Variants in FBXO32 observed in about 807,000 individuals in gnomAD.
FBXO32 encodes F-box protein 32, also known as F-box only protein 32.
Under a neutral mutation model 48.3 loss-of-function variants are expected in FBXO32, and 15 were observed. That is an observed-to-expected ratio of 0.31 (90% CI 0.21 to 0.48). The LOEUF is 0.48. Among genes scored for constraint, FBXO32 ranks in the 20% least tolerant of loss-of-function variants. The pLI is 0.99. For missense variants in FBXO32, 309 were observed against 432.7 expected, an observed-to-expected ratio of 0.71 and a Z score of 2.54; for synonymous variants, 154 against 165.9, an observed-to-expected ratio of 0.93 and a Z score of 0.55.
chr8:123,512,365 T>G (rs1423893714), intron 6 of FBXO32, among the ~76,000 whole-genome samples: 1 of 152,208 alleles, frequency 6.6e-6, no homozygotes, highest in Non-Finnish European at 1.5e-5. Context: ...TCCTGCTACC[T>G]TCTCCTGATA....
chr8:123,512,664 C>T (rs762083089), intron 6 of FBXO32, among the ~76,000 whole-genome samples: 3 of 151,770 alleles, frequency 2.0e-5, no homozygotes, highest in Non-Finnish European at 2.9e-5. Context: ...TGGTAATATA[C>T]GGCTTTTCCT....
At chr8:123,509,185 T>G (rs1816689211) in intron 6 of FBXO32, among the ~76,000 whole-genome samples, 2 of 152,336 alleles carry the variant, frequency 1.3e-5, no homozygotes, top group South Asian at 4.1e-4. Flanking sequence ...TATAAAAATT[T>G]TGCAGGAAAA....
intron 6 of FBXO32, among the ~76,000 whole-genome samples, chr8:123,509,636 G>T (rs886611196): frequency 6.6e-6 from 1 of 152,158 alleles, no homozygotes. Flanking sequence ...GGAGGCCAAG[G>T]CTGCAGTGAC....
At chr8:123,527,474 G>A (rs1465337801) in intron 4 of FBXO32, among the ~76,000 whole-genome samples, 1 of 152,170 alleles carries the variant, frequency 6.6e-6, no homozygotes, top group African/African-American at 2.4e-5. Context: ...GGGGAACGGG[G>A]CAGTTGTTTG....
At chr8:123,516,508 CA>C (rs1234657570) in intron 4 of FBXO32, among the ~76,000 whole-genome samples, 1 of 152,124 alleles carries the variant, frequency 6.6e-6, no homozygotes, top group African/African-American at 2.4e-5. Context: ...AGGGAAGAAG[CA>C]AAATGAAATT....
intron 4 of FBXO32, among the ~76,000 whole-genome samples, chr8:123,528,192 A>T (rs1290552298): frequency 6.6e-6 from 1 of 152,210 alleles, no homozygotes; most frequent in Non-Finnish European, 1.5e-5. Flanking sequence ...GGTGATTTGA[A>T]TGTGCAGCCA....
chr8:123,503,784 T>C (rs1243262511), intron 8 of FBXO32, among the ~76,000 whole-genome samples: 2 of 152,142 alleles, frequency 1.3e-5, no homozygotes, highest in Non-Finnish European at 2.9e-5. Context: ...TAATAATCTA[T>C]TGAATATTTC....
rs1816684184 is a variant in FBXO32 at position 123,508,976 on chromosome 8, T to G, written c.652-2402A>C. ...CGTATAAAAGAAAAATTAGTCACTC[T>G]CGCTCCTCTAGTCAAGCATTTGGCT... On this transcript the variant is annotated intron_variant, in intron 6 of 8. Transcript: ENST00000517956. 2.6e-5 allele frequency among the ~76,000 whole-genome samples: 4 copies of G among 152,152 alleles called. No individual in the cohort carries two copies. In the South Asian group the frequency reaches 8.3e-4, roughly 32 times the overall value.
intron 4 of FBXO32, among the ~76,000 whole-genome samples, chr8:123,528,687 G>T (rs1386991346): frequency 6.6e-6 from 1 of 152,190 alleles, no homozygotes. Flanking sequence ...TTTTCATGCT[G>T]AGTGATAAAA....
rs754288418 is a variant in FBXO32, at chr8:123,541,049, G to A, written c.-35C>T. The A allele has an allele frequency of 2.0e-6, 3 of 1,467,666 alleles. No individual in the cohort carries two copies. Among genetic ancestry groups the A allele is most frequent in the South Asian group, 2.5e-5 (2 of 81,618 alleles). 90.9% of individuals were successfully genotyped at this position (1,467,666 alleles called of 1,614,324 possible). A position where few individuals can be genotyped will look rare whatever the true frequency, so the allele number is the denominator to read the frequency against. ...AGCGGACTAGACGGATGGGGAGACG[G>A]GGCCGGCCTGGTGGGCTCGGGGACG... On this transcript the variant is annotated 5_prime_UTR_variant, in exon 1 of 9. Coordinates refer to ENST00000517956, the MANE Select transcript of FBXO32 (RefSeq NM_058229.4).
intron 8 of FBXO32, among the ~76,000 whole-genome samples, chr8:123,503,949 T>G (rs369282557): frequency 2.0e-5 from 3 of 152,038 alleles, no homozygotes; most frequent in Non-Finnish European, 2.9e-5. Flanking sequence ...TGTGGTGGCA[T>G]GTGCCTGTAG....
In FBXO32 at chr8:123,541,003, G is replaced by A. The variant is rs762996995; in HGVS notation, c.12C>T (p.Leu4=). 1.9e-6 allele frequency: 3 copies of A among 1,609,700 alleles called. No individual in the cohort carries two copies. Among genetic ancestry groups the A allele is most frequent in the Non-Finnish European group, 2.5e-6 (3 of 1,177,470 alleles). The change falls in exon 1 of 9, where the codon CTC becomes CTT. Residue 4 remains leucine, a synonymous_variant. Coordinates refer to ENST00000517956, the MANE Select transcript of FBXO32 (RefSeq NM_058229.4). ...GCCCGGGGGACCGCCAGTCCTGCCC[G>A]AGGAATGGCATGGCACCGCGAGCGG... MPF[L]GQDWRSPGQN...
chr8:123,524,647 T>A (rs965740433), intron 4 of FBXO32, among the ~76,000 whole-genome samples: 1 of 152,100 alleles, frequency 6.6e-6, no homozygotes, highest in Non-Finnish European at 1.5e-5. Flanking sequence ...GCCTCCAGAG[T>A]AGCTGGGACT....
chr8:123,517,697 A>T (rs1451330767), intron 4 of FBXO32, among the ~76,000 whole-genome samples: 1 of 152,190 alleles, frequency 6.6e-6, no homozygotes, highest in Non-Finnish European at 1.5e-5. Flanking sequence ...TCTTCAGCCT[A>T]GAGTGTAAGT....
chr8:123,518,788 G>T (rs566425543), intron 4 of FBXO32, among the ~76,000 whole-genome samples: 1 of 152,250 alleles, frequency 6.6e-6, no homozygotes, highest in South Asian at 2.1e-4. Flanking sequence ...CTGGAGCCAG[G>T]ACTTGAGCCC....
chr8:123,524,252 G>A (rs970192016), intron 4 of FBXO32, among the ~76,000 whole-genome samples: 2 of 152,044 alleles, frequency 1.3e-5, no homozygotes, highest in African/African-American at 4.8e-5. Context: ...CCAATTCTGT[G>A]GCCATGTCCC....
intron 1 of FBXO32, among the ~76,000 whole-genome samples, chr8:123,539,243 T>C (rs1817367326): frequency 6.6e-6 from 1 of 152,176 alleles, no homozygotes; most frequent in South Asian, 2.1e-4. Flanking sequence ...AGCTCTAACA[T>C]GACTCTTCAG....
intron 4 of FBXO32, among the ~76,000 whole-genome samples, chr8:123,515,275 G>T (rs1816816971): frequency 6.6e-6 from 1 of 152,136 alleles, no homozygotes; most frequent in Non-Finnish European, 1.5e-5. Flanking sequence ...TTGCTCTGTT[G>T]CCCAGGCTGG....
chr8:123,540,812 C>G lies in FBXO32; in HGVS notation c.116+87G>C. On this transcript the variant is annotated intron_variant, in intron 1 of 8. Coordinates refer to ENST00000517956, the MANE Select transcript of FBXO32 (RefSeq NM_058229.4). The surrounding 1 kb of genome is among the most constrained non-coding windows in gnomAD (Gnocchi z 6.4). The stretch of plus-strand genomic sequence containing the variant: ...CCCTCCTCAGCCCGCTCCAGCCCTG[C>G]CTGCCCCTCATTCGCCGTCCCTGCG... The G allele has an allele frequency of 8.7e-7, 1 of 1,146,776 alleles. No individual in the cohort carries two copies. The highest frequency in any genetic ancestry group is 1.3e-6 in the Non-Finnish European group (1 of 787,404). The allele number at this position is 1,146,776 out of a possible 1,614,324, so 71.0% of individuals were successfully genotyped here.
Sources: allele counts gnomAD v4.1 joint callset (sites outside exome capture counted in the v4.1 genomes callset), GRCh38; gene constraint gnomAD v4.1.1; non-coding constraint Gnocchi (gnomAD v3.1); transcripts MANE v1.5; gene names NCBI Gene and HGNC (gene_info 2026-07-23, HGNC 2026-07-21).